PPP1R1C: variants seen among roughly 807,000 people sequenced by gnomAD.
PPP1R1C encodes protein phosphatase 1 regulatory inhibitor subunit 1C.
A neutral mutation model predicts 17.4 loss-of-function variants in PPP1R1C; 15 were observed. The observed-to-expected ratio is 0.86, with a 90% CI of 0.58 to 1.33. PPP1R1C has a LOEUF of 1.33. Among genes scored for constraint, PPP1R1C ranks in the 40% most tolerant of loss-of-function variants. The probability of loss-of-function intolerance (pLI) is 0.00; values close to 1 mark genes in which losing one functional copy is unlikely to be tolerated. For synonymous variants in PPP1R1C, 35 were observed against 43.1 expected, an observed-to-expected ratio of 0.81 and a Z score of 0.73; for missense variants, 143 against 130.0, an observed-to-expected ratio of 1.10 and a Z score of -0.48.
At position 182,087,123 on chromosome 2, in the gene PPP1R1C, T is replaced by A. The variant is rs1300728390; in HGVS notation, c.241+23332T>A. Reference sequence around the variant, plus strand: ...TTACTTCTCACAAAGCCAGTTGTTATCATTGTTGTTTGAGCTGTCGATAGT... The same window carrying A: ...TTACTTCTCACAAAGCCAGTTGTTAACATTGTTGTTTGAGCTGTCGATAGT... On this transcript the variant is annotated intron_variant, in intron 4 of 4. Coordinates refer to ENST00000682840, the MANE Select transcript of PPP1R1C (RefSeq NM_001080545.3). Among the ~76,000 whole-genome samples, 3 of 152,252 alleles carry A rather than the reference T, an allele frequency of 2.0e-5. No homozygotes were observed. In the East Asian group the frequency reaches 5.8e-4, roughly 29 times the overall value.
chr2:182,092,081 G>A (rs1688797023), intron 4 of PPP1R1C, among the ~76,000 whole-genome samples: 1 of 152,168 alleles, frequency 6.6e-6, no homozygotes, highest in South Asian at 2.1e-4. Context: ...CTGCATGGAA[G>A]GAGGGCTAGA....
At chr2:181,972,385 C>G (rs1333309363) in intron 1 of PPP1R1C, among the ~76,000 whole-genome samples, 1 of 152,068 alleles carries the variant, frequency 6.6e-6, no homozygotes, top group African/African-American at 2.4e-5. Context: ...ATGAGTGAAG[C>G]CTGTGGAAAA....
intron 2 of PPP1R1C, among the ~76,000 whole-genome samples, chr2:182,001,836 C>T (rs1356170): frequency 0.34 from 51,639 of 151,822 alleles, 9,317 homozygotes; most frequent in Non-Finnish European, 0.38. Flanking sequence ...CGAGAAATCA[C>T]TTTAGAGTGG....
chr2:181,990,639 A>G (rs1685449862), intron 2 of PPP1R1C, among the ~76,000 whole-genome samples: 2 of 152,254 alleles, frequency 1.3e-5, no homozygotes, highest in African/African-American at 2.4e-5. Context: ...CAAAGATATA[A>G]CAAGAAAAAC....
chr2:182,063,901 C>T (rs564663773), intron 4 of PPP1R1C, 110 bp downstream of exon 4: 1 of 838,506 alleles, frequency 1.2e-6, no homozygotes, highest in African/African-American at 1.7e-5. Flanking sequence ...AGTCTCAGCT[C>T]TACAACTTAA....
chr2:182,104,579 CT>C (rs1365146050), intron 4 of PPP1R1C, among the ~76,000 whole-genome samples: 2 of 152,114 alleles, frequency 1.3e-5, no homozygotes, highest in Admixed American at 1.3e-4. Context: ...TTTTAATGTG[CT>C]ATTGAATTTG....
chr2:182,085,233 A>G (rs529295194), intron 4 of PPP1R1C, among the ~76,000 whole-genome samples: 1 of 152,174 alleles, frequency 6.6e-6, no homozygotes, highest in African/African-American at 2.4e-5. Context: ...CCTGTTTTCC[A>G]ATTTGAATGC....
At chr2:182,024,823 C>G (rs1371691244) in intron 2 of PPP1R1C, among the ~76,000 whole-genome samples, 1 of 151,694 alleles carries the variant, frequency 6.6e-6, no homozygotes, top group Non-Finnish European at 1.5e-5. Flanking sequence ...CCACTGCACT[C>G]CAGCCTGGGC....
chr2:182,073,179 CTTT>C (rs1289652890), intron 4 of PPP1R1C, among the ~76,000 whole-genome samples: 1 of 151,878 alleles, frequency 6.6e-6, no homozygotes, highest in Admixed American at 6.5e-5. Flanking sequence ...AGCTGTGCTT[CTTT>C]GAGACTGAGA....
Position 182,117,225 on chromosome 2 carries a change from G to T in PPP1R1C, c.260G>T (p.Gly87Val). 6.4e-7 allele frequency: 1 copy of T among 1,557,582 alleles called. No individual in the cohort carries two copies. Among genetic ancestry groups the T allele is most frequent in the Non-Finnish European group, 8.7e-7 (1 of 1,150,246 alleles). The change falls in exon 5 of 5, where the codon GGC (glycine) becomes GTC (valine). Residue 87 changes from glycine to valine, a missense_variant. Physicochemically the swap from Gly to Val is moderately radical, Grantham distance 109. Transcript: ENST00000682840. ...PTIKGVKHLK[G>V]QNESAFPEEE... ...ATTTCAGGGGTTAAGCATCTGAAAGGCCAGAATGAATCAGCATTCCCTGAA... is the reference window on the plus strand; with the variant it reads ...ATTTCAGGGGTTAAGCATCTGAAAGTCCAGAATGAATCAGCATTCCCTGAA...
At chr2:181,979,170 C>G (rs2125136342) in intron 2 of PPP1R1C, among the ~76,000 whole-genome samples, 1 of 152,034 alleles carries the variant, frequency 6.6e-6, no homozygotes, top group Middle Eastern at 3.4e-3. Context: ...TGGACTAAAC[C>G]AAGTCTAGAG....
intron 4 of PPP1R1C, among the ~76,000 whole-genome samples, chr2:182,098,291 T>C (rs1344799604): frequency 6.6e-6 from 1 of 152,216 alleles, no homozygotes; most frequent in Admixed American, 6.5e-5. Context: ...CATGTATTTT[T>C]TGAAGCAGAA....
chr2:181,990,923 G>A (rs1685456601), intron 2 of PPP1R1C, among the ~76,000 whole-genome samples: 1 of 152,132 alleles, frequency 6.6e-6, no homozygotes, highest in Admixed American at 6.5e-5. Flanking sequence ...GGGAATAATT[G>A]GCTGTTCTTG....
intron 4 of PPP1R1C, among the ~76,000 whole-genome samples, chr2:182,089,415 G>T (rs1240616969): frequency 1.3e-5 from 2 of 152,118 alleles, no homozygotes; most frequent in Non-Finnish European, 2.9e-5. Context: ...ACTAAAATTT[G>T]TTCCAAGCAT....
intron 2 of PPP1R1C, among the ~76,000 whole-genome samples, chr2:182,002,191 GGTAT>G (rs1449743853): frequency 2.1e-4 from 18 of 86,198 alleles, no homozygotes; most frequent in African/African-American, 4.9e-4. Context: ...TTTCCATCAA[GGTAT>G]TTTTTTTTCT....
intron 5 of PPP1R1C, among the ~76,000 whole-genome samples, chr2:182,125,294 G>A (rs771950466): frequency 1.1e-4 from 16 of 152,084 alleles, no homozygotes; most frequent in African/African-American, 2.4e-5. Flanking sequence ...TGCTGGATTC[G>A]GTTTGGCAGT....
chr2:181,956,640 T>C (rs1272266753), intron 1 of PPP1R1C, among the ~76,000 whole-genome samples: 1 of 152,264 alleles, frequency 6.6e-6, no homozygotes, highest in East Asian at 1.9e-4. Flanking sequence ...ATTTCTCTGA[T>C]GACCAGTGAT....
At chr2:182,120,854 A>G (rs1231600735), downstream of PPP1R1C, among the ~76,000 whole-genome samples, 1 of 152,198 alleles carries the variant, frequency 6.6e-6, no homozygotes, top group Admixed American at 6.5e-5. Context: ...ATTCCTAAAA[A>G]AAAACACAAA....
At chr2:182,028,122 C>T (rs1349145157) in intron 2 of PPP1R1C, among the ~76,000 whole-genome samples, 2 of 139,656 alleles carry the variant, frequency 1.4e-5, no homozygotes, top group Admixed American at 7.5e-5. Context: ...CTTAGTCTTG[C>T]TAGCGGTCTA....
Sources: allele counts gnomAD v4.1 joint callset (sites outside exome capture counted in the v4.1 genomes callset), GRCh38; gene constraint gnomAD v4.1.1; transcripts MANE v1.5; gene names NCBI Gene and HGNC (gene_info 2026-07-23, HGNC 2026-07-21).